The following FNDC1 variants were observed in gnomAD, a reference collection of about 807,000 sequenced individuals.
The protein encoded by FNDC1 is fibronectin type III domain-containing protein 1.
Under a neutral mutation model 168.0 loss-of-function variants are expected in FNDC1, and 96 were observed. That is an observed-to-expected ratio of 0.57 (90% confidence interval 0.48 to 0.68). The LOEUF (loss-of-function observed/expected upper bound fraction) is 0.68. Ranked by LOEUF, FNDC1 falls within the 30% of genes least tolerant of loss-of-function variation. FNDC1 has a pLI of 0.00. For missense variants in FNDC1, 2,587 were observed against 2,482.1 expected (o/e 1.04, Z -0.90); for synonymous variants, 1,099 against 1,025.9 (o/e 1.07, Z -1.36).
chr6:159,266,534 C>A (rs886385242), intron 21 of FNDC1, among the ~76,000 whole-genome samples: 3 of 152,120 alleles, frequency 2.0e-5, no homozygotes, highest in Admixed American at 2.0e-4. Context: ...TACTTGAGAT[C>A]AGGAATTCAA....
intron 4 of FNDC1, among the ~76,000 whole-genome samples, chr6:159,201,072 C>T (rs186501447): frequency 6.6e-6 from 1 of 152,346 alleles, no homozygotes; most frequent in East Asian, 1.9e-4. Flanking sequence ...TTTGTTTTCT[C>T]ATTTGGATGT....
intron 1 of FNDC1, among the ~76,000 whole-genome samples, chr6:159,189,468 A>T (rs753515997): frequency 6.6e-6 from 1 of 152,214 alleles, no homozygotes; most frequent in Non-Finnish European, 1.5e-5. Context: ...AATGATGTGT[A>T]TTCTTTCCAC....
chr6:159,267,598 A>G (rs941065793), intron 21 of FNDC1, among the ~76,000 whole-genome samples: 2 of 152,156 alleles, frequency 1.3e-5, no homozygotes, highest in African/African-American at 4.8e-5. Flanking sequence ...TTCATTAAGT[A>G]TTTAGCATAC....
In FNDC1 at chr6:159,271,384, C is replaced by T. The variant is rs1275764095; in HGVS notation, c.5627C>T (p.Thr1876Ile). 2 of 1,612,598 alleles carry T rather than the reference C, an allele frequency of 1.2e-6. No homozygotes were observed. Among genetic ancestry groups the T allele is most frequent in the South Asian group, 1.1e-5 (1 of 90,594 alleles). Residue 1876 changes from threonine to isoleucine, a missense_variant, in exon 23 of 23, where the codon ACC (threonine) becomes ATC (isoleucine). Physicochemically the swap from Thr to Ile is moderately conservative, Grantham distance 89. Transcript: ENST00000297267. ...PVRFGNIGFG[T>I]PYYYVGWYEC... ...AGGTTTGGGAACATCGGCTTCGGAA[C>T]CCCCTACTACTATGTGGGCTGGTAC... is the stretch of plus-strand genomic sequence containing the variant.
At chr6:159,245,742 A>ATTTTT (rs531544658) in intron 14 of FNDC1, among the ~76,000 whole-genome samples, 1 of 19,772 alleles carries the variant, frequency 5.1e-5, no homozygotes. Flanking sequence ...CATTATGGTA[A>ATTTTT]TTTTTTTTTT....
At chr6:159,249,352 T>C (rs1467070124) in intron 16 of FNDC1, among the ~76,000 whole-genome samples, 170 bp downstream of exon 16, 3 of 152,240 alleles carry the variant, frequency 2.0e-5, no homozygotes, top group Non-Finnish European at 4.4e-5. Flanking sequence ...TAGATATGTA[T>C]TATTTTGCTT....
chr6:159,223,259 G>A (rs1375320996), intron 6 of FNDC1, among the ~76,000 whole-genome samples: 1 of 152,166 alleles, frequency 6.6e-6, no homozygotes, highest in African/African-American at 2.4e-5. Flanking sequence ...GCCTCCCAAA[G>A]TGCTGGGATT....
chr6:159,251,167 G>C, intron 16 of FNDC1, 135 bp from the exon 17 acceptor site: 1 of 641,138 alleles, frequency 1.6e-6, no homozygotes, highest in Non-Finnish European at 2.7e-6. Flanking sequence ...TCTGAGCTTG[G>C]CATCAAGGCT....
At chr6:159,188,677 C>T (rs185738006) in intron 1 of FNDC1, among the ~76,000 whole-genome samples, 34 of 151,974 alleles carry the variant, frequency 2.2e-4, no homozygotes, top group African/African-American at 7.7e-4. Flanking sequence ...TGCGCCCGGC[C>T]GCCTCAATTT....
Position 159,197,546 on chromosome 6 carries a change from T to C in FNDC1, c.225T>C (p.Ile75=). ...GTAGACCTGTGGAGCATTACAACAT[T>C]GCCTATGGGAAGTCACTGAAAAGTC... The part of the protein sequence containing the change: ...ATSRPVEHYN[I]AYGKSLKSLK... The change falls in exon 2 of 23, where the codon ATT becomes ATC. Residue 75 remains isoleucine (I), a synonymous_variant. Coordinates refer to ENST00000297267, the MANE Select transcript of FNDC1 (RefSeq NM_032532.3). 6.2e-7 allele frequency: 1 copy of C among 1,613,984 alleles called. No individual in the cohort carries two copies. The highest frequency in any genetic ancestry group is 8.5e-7 in the Non-Finnish European group (1 of 1,179,866).
chr6:159,259,201 C>A (rs1399660248), intron 18 of FNDC1, among the ~76,000 whole-genome samples: 2 of 152,106 alleles, frequency 1.3e-5, no homozygotes, highest in Non-Finnish European at 2.9e-5. Context: ...TATACTTTAG[C>A]CCATCAAAAA....
intron 1 of FNDC1, among the ~76,000 whole-genome samples, chr6:159,188,048 A>G (rs1782040611): frequency 6.6e-6 from 1 of 152,202 alleles, no homozygotes; most frequent in Non-Finnish European, 1.5e-5. Context: ...TTCATTTCAG[A>G]GTCTGGGAAG....
intron 1 of FNDC1, among the ~76,000 whole-genome samples, chr6:159,196,373 A>G (rs1473452200): frequency 2.0e-5 from 3 of 152,186 alleles, no homozygotes; most frequent in Non-Finnish European, 4.4e-5. Flanking sequence ...TTTACTCCAG[A>G]GGCAATGGGC....
At chr6:159,265,145 G>T in intron 20 of FNDC1, 141 bp downstream of exon 20, 1 of 663,858 alleles carries the variant, frequency 1.5e-6, no homozygotes, top group Non-Finnish European at 2.6e-6. Flanking sequence ...CCTTGCACTC[G>T]TCATCCTGAT....
At position 159,232,456 on chromosome 6, in the gene FNDC1, C is replaced by G. The variant is rs375412826; in HGVS notation, c.1944C>G (p.Asp648Glu). The G allele has an allele frequency of 2.9e-5, 46 of 1,611,948 alleles. No individual in the cohort carries two copies. In the African/African-American group the frequency reaches 5.3e-4, roughly 19 times the overall value. ...ATGACAACGACTTGGTGGACTCAGA[C>G]GAAGATGAGCGCGCTGTGGGCTCCC... ...SLNDNDLVDSDEDERAVGSLH... is the reference protein window; with the variant it reads ...SLNDNDLVDSEEDERAVGSLH... The change falls in exon 11 of 23, where the codon GAC becomes GAG. Residue 648 changes from aspartate (D) to glutamate (E), a missense_variant. By Grantham distance (45) the Asp-to-Glu change is conservative. Coordinates refer to ENST00000297267, the MANE Select transcript of FNDC1 (RefSeq NM_032532.3). The surrounding 1 kb of genome is among the most constrained non-coding windows in gnomAD (Gnocchi z 4.9).
chr6:159,223,392 A>T, intron 6 of FNDC1, 136 bp from the exon 7 acceptor site: 1 of 541,316 alleles, frequency 1.8e-6, no homozygotes, highest in South Asian at 3.2e-5. Context: ...CTTTCTATCA[A>T]TTTCATTTTG....
At chr6:159,244,319 T>G (rs1169908137) in intron 14 of FNDC1, among the ~76,000 whole-genome samples, 1 of 152,202 alleles carries the variant, frequency 6.6e-6, no homozygotes, top group Non-Finnish European at 1.5e-5. Flanking sequence ...AAGGAAAGTT[T>G]GTGTTTAATA....
At chr6:159,196,505 TTTC>T (rs1371219686) in intron 1 of FNDC1, among the ~76,000 whole-genome samples, 5 of 152,236 alleles carry the variant, frequency 3.3e-5, no homozygotes, top group African/African-American at 1.2e-4. Context: ...CTCCTTTTCT[TTTC>T]TTCTTCCCTG....
chr6:159,248,556 G>A lies in FNDC1; in HGVS notation c.4691-483G>A, dbSNP rs186667082. Among the ~76,000 whole-genome samples the A allele has an allele frequency of 2.6e-4, 40 of 152,056 alleles. 1 individual carries two copies. In the South Asian group the frequency reaches 6.0e-3, roughly 23 times the overall value. ...CCTGAACTTGTGATCCGCCTGCCTC[G>A]GCCTCCCAAAGTGCTGGGATTACAG... On this transcript the variant is annotated intron_variant, in intron 15 of 22. Transcript: ENST00000297267.
Sources: gnomAD v4.1 joint callset for allele counts (sites outside exome capture counted in the v4.1 genomes callset) on GRCh38, gnomAD v4.1.1 for gene constraint, Gnocchi (gnomAD v3.1) non-coding constraint, MANE v1.5 for transcripts, NCBI Gene and HGNC (gene_info 2026-07-23, HGNC 2026-07-21) for gene names.